Variants in RARB observed in about 807,000 individuals in gnomAD.
The protein encoded by RARB is HBV-activated protein.
Under a neutral mutation model 51.9 loss-of-function variants are expected in RARB, and 17 were observed. The observed-to-expected ratio is 0.33, with a 90% confidence interval of 0.22 to 0.49. RARB has a LOEUF of 0.49. RARB is among the 20% of genes least tolerant of loss of function. RARB has a pLI of 0.99. For synonymous variants in RARB, 215 were observed against 195.4 expected, an observed-to-expected ratio of 1.10 and a Z score of -0.84; for missense variants, 369 against 550.8, an observed-to-expected ratio of 0.67 and a Z score of 3.30.
chr3:25,083,722 A>G (rs1575152849), intron 3 of RARB, among the ~76,000 whole-genome samples: 1 of 152,028 alleles, frequency 6.6e-6, no homozygotes, highest in Admixed American at 6.6e-5. Context: ...AGTAAATGCT[A>G]TGTTGTTGGG....
chr3:25,136,753 G>C (rs755484982), intron 4 of RARB, among the ~76,000 whole-genome samples: 4 of 152,088 alleles, frequency 2.6e-5, no homozygotes, highest in Non-Finnish European at 4.4e-5. Context: ...ACCAAAGGAT[G>C]GGGGGAGAGT....
At chr3:25,167,420 A>C (rs1170885137) in intron 4 of RARB, among the ~76,000 whole-genome samples, 1 of 152,226 alleles carries the variant, frequency 6.6e-6, no homozygotes, top group Non-Finnish European at 1.5e-5. Context: ...GCAAATGTGC[A>C]GTGTCAAATA....
chr3:25,530,723 C>G (rs1698865383), intron 3 of RARB, among the ~76,000 whole-genome samples: 1 of 152,202 alleles, frequency 6.6e-6, no homozygotes, highest in Non-Finnish European at 1.5e-5. Context: ...TTAGTAATCT[C>G]AATTCCATCT....
chr3:25,206,427 C>G (rs1248968057), intron 5 of RARB, among the ~76,000 whole-genome samples: 2 of 152,136 alleles, frequency 1.3e-5, no homozygotes, highest in Non-Finnish European at 2.9e-5. Context: ...CTGCTTTACA[C>G]TGAGGATTTT....
chr3:25,221,689 T>A (rs1282718350), intron 5 of RARB, among the ~76,000 whole-genome samples: 1 of 152,124 alleles, frequency 6.6e-6, no homozygotes, highest in Non-Finnish European at 1.5e-5. Flanking sequence ...CCCTCTCCCA[T>A]CTCTTTTTAA....
chr3:25,174,355 T>C (rs1419164154), exon 5 of RARB: 1 of 1,338,478 alleles, frequency 7.5e-7, no homozygotes, highest in Admixed American at 1.9e-5. Flanking sequence ...TGGAGTGATG[T>C]GTTCCTGCTC....
chr3:25,112,209 T>TG (rs1237856931), intron 3 of RARB, among the ~76,000 whole-genome samples: 1 of 152,120 alleles, frequency 6.6e-6, no homozygotes, highest in Non-Finnish European at 1.5e-5. Flanking sequence ...GACATGGACT[T>TG]GAACTAGAAT....
chr3:25,122,905 G>C (rs2125329926), intron 3 of RARB, among the ~76,000 whole-genome samples: 1 of 152,142 alleles, frequency 6.6e-6, no homozygotes, highest in South Asian at 2.1e-4. Flanking sequence ...CTTTCCATCG[G>C]GTCTGGAGTT....
chr3:25,496,906 C>A (rs377075029), intron 2 of RARB, among the ~76,000 whole-genome samples: 1 of 152,158 alleles, frequency 6.6e-6, no homozygotes, highest in Admixed American at 6.5e-5. Flanking sequence ...CTTTTTGAGA[C>A]GGAGTTTCAC....
chr3:24,979,474 C>T (rs1341673365), intron 2 of RARB, among the ~76,000 whole-genome samples: 4 of 152,062 alleles, frequency 2.6e-5, no homozygotes, highest in Non-Finnish European at 5.9e-5. Flanking sequence ...TTGGATTGAT[C>T]CCTTTACCAT....
intron 3 of RARB, among the ~76,000 whole-genome samples, chr3:25,073,730 GAAAC>G (rs1261272151): frequency 2.0e-5 from 3 of 152,136 alleles, no homozygotes; most frequent in African/African-American, 7.2e-5. Context: ...TGTTGAAAAA[GAAAC>G]AAATATCATG....
intron 5 of RARB, among the ~76,000 whole-genome samples, chr3:25,383,233 T>G (rs1197825910): frequency 6.6e-6 from 1 of 152,180 alleles, no homozygotes; most frequent in Non-Finnish European, 1.5e-5. Context: ...AGAGCCAAGG[T>G]GAGAACCCAT....
At chr3:24,909,155 A>G (rs1227023357) in intron 2 of RARB, among the ~76,000 whole-genome samples, 1 of 152,170 alleles carries the variant, frequency 6.6e-6, no homozygotes, top group Non-Finnish European at 1.5e-5. Flanking sequence ...AAAAGCAAGT[A>G]AGTTGTAGAT....
intron 5 of RARB, among the ~76,000 whole-genome samples, chr3:25,365,061 C>G (rs1276780235): frequency 1.3e-5 from 2 of 151,712 alleles, no homozygotes; most frequent in African/African-American, 4.8e-5. Flanking sequence ...TAGAAATTTC[C>G]CATCACTCAA....
intron 5 of RARB, among the ~76,000 whole-genome samples, chr3:25,276,792 G>A (rs533110018): frequency 6.6e-6 from 1 of 152,286 alleles, no homozygotes; most frequent in South Asian, 2.1e-4. Flanking sequence ...TGAAGACCAA[G>A]TTTTGTCAAA....
intron 2 of RARB, among the ~76,000 whole-genome samples, chr3:24,951,318 C>A (rs1486046433): frequency 6.6e-6 from 1 of 152,152 alleles, no homozygotes; most frequent in South Asian, 2.1e-4. Context: ...CTCTGAAGAA[C>A]TGGATGTGAG....
chr3:25,052,453 A>T (rs1454669849), intron 2 of RARB, among the ~76,000 whole-genome samples: 1 of 152,238 alleles, frequency 6.6e-6, no homozygotes, highest in Non-Finnish European at 1.5e-5. Context: ...AGTAAATCCC[A>T]TGCAATAATT....
chr3:24,871,060 T>C (rs1702937358), intron 2 of RARB, among the ~76,000 whole-genome samples: 1 of 152,100 alleles, frequency 6.6e-6, no homozygotes, highest in African/African-American at 2.4e-5. Flanking sequence ...TCTTTATGAG[T>C]TCAGTTGTTT....
intron 5 of RARB, among the ~76,000 whole-genome samples, chr3:25,324,847 C>T (rs988873931): frequency 8.5e-5 from 13 of 152,112 alleles, no homozygotes; most frequent in African/African-American, 1.2e-4. Context: ...CTGACAGTTC[C>T]GGCCTTCCCA....
Sources: allele counts gnomAD v4.1 joint callset (sites outside exome capture counted in the v4.1 genomes callset), GRCh38; gene constraint gnomAD v4.1.1; transcripts MANE v1.5; gene names NCBI Gene and HGNC (gene_info 2026-07-23, HGNC 2026-07-21).